SPG11: variants seen among roughly 807,000 people sequenced by gnomAD.
SPG11 encodes the protein spatacsin.
SPG11 carries 222 observed loss-of-function variants against 274.0 expected under a neutral mutation model. That is an observed-to-expected ratio of 0.81 (90% CI 0.73 to 0.91). SPG11 has a LOEUF of 0.91. Among genes scored for constraint, SPG11 ranks in the 40% least tolerant of loss-of-function variants. The pLI is 0.00. For synonymous variants in SPG11, 1,144 were observed against 1,039.7 expected (o/e 1.10, Z -1.93); for missense variants, 3,114 against 2,872.7 (o/e 1.08, Z -1.92).
intron 3 of SPG11, among the ~76,000 whole-genome samples, chr15:44,658,137 A>G (rs551060893): frequency 2.0e-5 from 3 of 152,390 alleles, no homozygotes; most frequent in Admixed American, 2.0e-4. Context: ...TGTTCTGGAC[A>G]GTGCAGTTCC....
intron 20 of SPG11, among the ~76,000 whole-genome samples, chr15:44,601,956 G>A (rs975870513): frequency 8.5e-5 from 13 of 152,096 alleles, no homozygotes; most frequent in African/African-American, 2.2e-4. Flanking sequence ...AATTTATTCC[G>A]AAGTATTTTG....
At chr15:44,629,783 T>C (rs2084005743) in intron 8 of SPG11, among the ~76,000 whole-genome samples, 1 of 152,186 alleles carries the variant, frequency 6.6e-6, no homozygotes, top group Non-Finnish European at 1.5e-5. Flanking sequence ...AGAAAGTAAG[T>C]GGCAGGGCCG....
chr15:44,593,089 C>T (rs1008944114), intron 26 of SPG11, among the ~76,000 whole-genome samples: 21 of 152,136 alleles, frequency 1.4e-4, no homozygotes, highest in South Asian at 6.2e-4. Flanking sequence ...GATACTCAGT[C>T]CAGTTATACC....
chr15:44,643,597 C>G (rs145698023), intron 7 of SPG11, among the ~76,000 whole-genome samples: 55 of 152,080 alleles, frequency 3.6e-4, no homozygotes, highest in African/African-American at 1.2e-3. Context: ...AAGAATAAAT[C>G]TGCACAATCT....
Position 44,651,955 on chromosome 15 carries a change from A to C in SPG11, c.1008-16T>G. The C allele has an allele frequency of 1.2e-6, 2 of 1,606,056 alleles. No homozygotes were observed. Among genetic ancestry groups the C allele is most frequent in the Non-Finnish European group, 1.7e-6 (2 of 1,177,832 alleles). On this transcript the variant is annotated splice_polypyrimidine_tract_variant and intron_variant, in intron 5 of 39. Coordinates refer to ENST00000261866, the MANE Select transcript of SPG11 (RefSeq NM_025137.4). The stretch of plus-strand genomic sequence containing the variant: ...TTTCCAAGACCTGGAAACAAGGTAA[A>C]ATATAACTTAACACCTGTCACAGTA...
At chr15:44,641,996 A>T (rs905929547) in intron 7 of SPG11, among the ~76,000 whole-genome samples, 3 of 151,882 alleles carry the variant, frequency 2.0e-5, no homozygotes, top group Non-Finnish European at 4.4e-5. Flanking sequence ...GATACGATAC[A>T]GAGGTGAAAC....
intron 18 of SPG11, among the ~76,000 whole-genome samples, 172 bp downstream of exon 18, chr15:44,610,668 G>A (rs1266301616): frequency 1.3e-5 from 2 of 152,206 alleles, no homozygotes; most frequent in African/African-American, 4.8e-5. Flanking sequence ...GTGAGCCACT[G>A]CACCGGGCCG....
chr15:44,591,041 G>GAA (rs1054917674), intron 27 of SPG11: 1 of 152,122 alleles, frequency 6.6e-6, no homozygotes, highest in Non-Finnish European at 1.5e-5. Flanking sequence ...CCTCTATTTG[G>GAA]AATGAATTTC....
chr15:44,574,974 T>A lies in SPG11; in HGVS notation c.5934A>T (p.Glu1978Asp), dbSNP rs2082503864. Residue 1978 changes from glutamate to aspartate, a missense_variant, in exon 31 of 40, where the codon GAA becomes GAT. Physicochemically the swap from Glu to Asp is conservative, Grantham distance 45 (BLOSUM62 2). Coordinates refer to ENST00000261866, the MANE Select transcript of SPG11 (RefSeq NM_025137.4). Reference sequence around the variant, plus strand: ...CATGGAGGCATTTGCTTGTCAGCACTTCCAGGTTAGTTACCACTTCATTAC... The same window carrying A: ...CATGGAGGCATTTGCTTGTCAGCACATCCAGGTTAGTTACCACTTCATTAC... The part of the protein sequence containing the change: ...PSSNEVVTNL[E>D]VLTSKCLHGK... 9 of 1,614,020 alleles carry A rather than the reference T, an allele frequency of 5.6e-6. No individual in the cohort carries two copies. Among genetic ancestry groups the A allele is most frequent in the Non-Finnish European group, 7.6e-6 (9 of 1,180,044 alleles).
chr15:44,663,406 T>TA lies in SPG11; in HGVS notation c.241_242insT (p.Glu81ValfsTer14). 1 of 1,607,694 alleles carries TA rather than the reference T, an allele frequency of 6.2e-7. No individual in the cohort carries two copies. The highest frequency in any genetic ancestry group is 8.5e-7 in the Non-Finnish European group (1 of 1,177,740). On this transcript the variant is annotated frameshift_variant, in exon 1 of 40. Transcript: ENST00000261866. LOFTEE classifies it high-confidence loss of function. ...CAGCACTTACTGCCAGAAGGGGCCCTCCAGGCAGCAGCGACCCCCGCCCCG... is the reference window on the plus strand; with the variant it reads ...CAGCACTTACTGCCAGAAGGGGCCCTACCAGGCAGCAGCGACCCCCGCCCCG...
chr15:44,567,938 G>A (rs1341172319), intron 35 of SPG11, among the ~76,000 whole-genome samples: 1 of 152,186 alleles, frequency 6.6e-6, no homozygotes, highest in Non-Finnish European at 1.5e-5. Flanking sequence ...CAAACAATGA[G>A]AAACAATCCA....
chr15:44,564,447 A>T, intron 39 of SPG11, 100 bp downstream of exon 39: 2 of 1,159,884 alleles, frequency 1.7e-6, no homozygotes, highest in Non-Finnish European at 2.5e-6. Context: ...AAGTAGAGGT[A>T]ATCTAAAGGC....
At chr15:44,628,647 A>G in intron 10 of SPG11, 22 bp downstream of exon 10, 1 of 1,602,488 alleles carries the variant, frequency 6.2e-7, no homozygotes, top group Non-Finnish European at 8.5e-7. Context: ...AAATAAAAGA[A>G]GTGATGATTA....
chr15:44,636,944 A>AAAC (rs2084286130), intron 7 of SPG11, among the ~76,000 whole-genome samples: 1 of 119,936 alleles, frequency 8.3e-6, no homozygotes, highest in African/African-American at 3.4e-5. Flanking sequence ...AAAAAAAAAA[A>AAAC]AAAAAAAAAA....
At chr15:44,594,965 C>T (rs542622392) in intron 26 of SPG11, among the ~76,000 whole-genome samples, 7 of 151,986 alleles carry the variant, frequency 4.6e-5, no homozygotes, top group Admixed American at 2.6e-4. Context: ...TACAGGCCCA[C>T]GCCACCATGC....
At chr15:44,589,981 G>C (rs929405086) in intron 27 of SPG11, among the ~76,000 whole-genome samples, 1 of 151,968 alleles carries the variant, frequency 6.6e-6, no homozygotes, top group Non-Finnish European at 1.5e-5. Flanking sequence ...TAATTTTTTT[G>C]TATTTTTAAT....
chr15:44,575,368 GCTGA>G (rs1380839539), intron 30 of SPG11: 11 of 278,900 alleles, frequency 3.9e-5, no homozygotes, highest in South Asian at 3.5e-4. Context: ...ACCAAGTATA[GCTGA>G]CTATCTCCAT....
At chr15:44,563,545 C>T (rs188294028) in intron 39 of SPG11, among the ~76,000 whole-genome samples, 23 of 152,314 alleles carry the variant, frequency 1.5e-4, no homozygotes, top group Non-Finnish European at 3.1e-4. Flanking sequence ...GCTATGTTGG[C>T]TAGGCTGGTG....
intron 7 of SPG11, among the ~76,000 whole-genome samples, chr15:44,638,019 G>A (rs963954293): frequency 2.0e-5 from 3 of 152,054 alleles, no homozygotes; most frequent in African/African-American, 7.2e-5. Flanking sequence ...AGTTTAAAAA[G>A]CAAAATAAAT....
Sources: allele counts gnomAD v4.1 joint callset (sites outside exome capture counted in the v4.1 genomes callset), GRCh38; gene constraint gnomAD v4.1.1; transcripts MANE v1.5; gene names NCBI Gene and HGNC (gene_info 2026-07-23, HGNC 2026-07-21).